The following TACC3 variants were observed in gnomAD, a reference collection of about 807,000 sequenced individuals.
TACC3 encodes the protein transforming acidic coiled-coil containing protein 3.
A neutral mutation model predicts 86.0 loss-of-function variants in TACC3; 52 were observed. That is an observed-to-expected ratio of 0.60 (90% confidence interval 0.48 to 0.76). The LOEUF is 0.76. Ranked by LOEUF, TACC3 falls within the 30% of genes least tolerant of loss-of-function variation. TACC3 has a pLI of 0.00. For missense variants in TACC3, 1,120 were observed against 1,070.4 expected, an observed-to-expected ratio of 1.05 and a Z score of -0.65; for synonymous variants, 512 against 430.0, an observed-to-expected ratio of 1.19 and a Z score of -2.36.
In TACC3 at chr4:1,728,046, A is replaced by G. The variant is rs1424386218; in HGVS notation, c.644A>G (p.Glu215Gly). ...PCRTESQHKA[E>G]TPHGAEEECK... ...AGGACAGAGTCCCAGCACAAAGCGG[A>G]GACTCCGCACGGAGCCGAGGAAGAA... Residue 215 changes from glutamate to glycine, a missense_variant, in exon 4 of 16, where the codon GAG (glutamate) becomes GGG (glycine). Transcript: ENST00000313288. 1 of 1,542,532 alleles carries G rather than the reference A, an allele frequency of 6.5e-7. No individual in the cohort carries two copies. The highest frequency in any genetic ancestry group is 8.8e-7 in the Non-Finnish European group (1 of 1,141,596).
intron 9 of TACC3, 107 bp from the exon 10 acceptor site, chr4:1,737,491 G>A (rs1204120552): frequency 7.1e-6 from 8 of 1,125,496 alleles, no homozygotes; most frequent in Non-Finnish European, 1.0e-5. Context: ...GGTCCCTCAT[G>A]CACTGTCTGA....
At chr4:1,722,608 T>C (rs1391695603) in intron 1 of TACC3, among the ~76,000 whole-genome samples, 1 of 152,188 alleles carries the variant, frequency 6.6e-6, no homozygotes, top group East Asian at 1.9e-4. Context: ...CTTCTTCAAA[T>C]CAAAGCCTCC....
chr4:1,734,405 C>T (rs1718152969), intron 6 of TACC3, among the ~76,000 whole-genome samples: 1 of 152,160 alleles, frequency 6.6e-6, no homozygotes, highest in African/African-American at 2.4e-5. Context: ...CCAGGCTGGC[C>T]TCAAACTCCT....
intron 1 of TACC3, 85 bp downstream of exon 1, chr4:1,721,728 C>T (rs1717377744): frequency 6.6e-6 from 1 of 151,522 alleles, no homozygotes. Flanking sequence ...CGGCCCTCGC[C>T]CTCCCGCCCC....
At chr4:1,730,783 G>C in intron 4 of TACC3, 104 bp from the exon 5 acceptor site, 1 of 1,283,266 alleles carries the variant, frequency 7.8e-7, no homozygotes, top group Middle Eastern at 1.9e-4. Context: ...TCACGTGGCC[G>C]GCACAGCAGT....
intron 12 of TACC3, chr4:1,740,449 AGCCG>A: frequency 3.3e-6 from 1 of 302,872 alleles, no homozygotes. Flanking sequence ...GCTGAGTGTC[AGCCG>A]GCGGCAGGTG....
Position 1,744,521 on chromosome 4 carries a change from G to A in TACC3, c.2227G>A (p.Glu743Lys), listed in dbSNP as rs770736799. 12 of 1,612,750 alleles carry A rather than the reference G, an allele frequency of 7.4e-6. No homozygotes were observed. Among genetic ancestry groups the A allele is most frequent in the East Asian group, 4.5e-5 (2 of 44,882 alleles). ...KEVIEGYRKN[E>K]ESLKKCVEDY... Reference sequence around the variant, plus strand: ...GCTAATGCCTGCCCCTTCCTAGAACGAAGAGTCACTGAAGAAGTGCGTGGA... The same window carrying A: ...GCTAATGCCTGCCCCTTCCTAGAACAAAGAGTCACTGAAGAAGTGCGTGGA... Residue 743 changes from glutamate (E) to lysine (K), a missense_variant, in exon 14 of 16, where the codon GAA (glutamate) becomes AAA (lysine). Physicochemically the swap from Glu to Lys is moderately conservative, Grantham distance 56 (BLOSUM62 1). Transcript: ENST00000313288.
intron 1 of TACC3, chr4:1,723,212 C>G: frequency 1.7e-6 from 1 of 598,380 alleles, no homozygotes. Context: ...CTCCCCCTGC[C>G]AGGCTGGAGA....
chr4:1,739,169 G>A (rs1001284562), intron 10 of TACC3, among the ~76,000 whole-genome samples: 6 of 152,120 alleles, frequency 3.9e-5, no homozygotes, highest in South Asian at 2.1e-4. Context: ...TTAGCCGGGC[G>A]TGGTGGTGGG....
intron 2 of TACC3, 35 bp downstream of exon 2, chr4:1,723,618 G>T (rs746597739): frequency 2.5e-6 from 4 of 1,608,884 alleles, no homozygotes; most frequent in African/African-American, 1.3e-5. Context: ...GGCTGGCCAG[G>T]TTGCCCTAGG....
chr4:1,723,887 C>T lies in TACC3; in HGVS notation c.305+17C>T. The T allele has an allele frequency of 1.2e-6, 2 of 1,611,682 alleles. No individual in the cohort carries two copies. Among genetic ancestry groups the T allele is most frequent in the Non-Finnish European group, 1.7e-6 (2 of 1,179,106 alleles). On this transcript the variant is annotated intron_variant, in intron 3 of 15. Transcript: ENST00000313288. The stretch of plus-strand genomic sequence containing the variant: ...GAAAGAGAAGTAAGTGTTGGTGCTG[C>T]TGGACATGCTGGAGCTTCACCCTCT...
intron 3 of TACC3, 55 bp from the exon 4 acceptor site, chr4:1,727,653 C>T (rs1717754807): frequency 1.3e-6 from 2 of 1,532,768 alleles, no homozygotes; most frequent in South Asian, 1.3e-5. Flanking sequence ...AATGCTGAGG[C>T]CCCTAACCTC....
At chr4:1,739,880 G>A in intron 11 of TACC3, 79 bp from the exon 12 acceptor site, 1 of 1,570,318 alleles carries the variant, frequency 6.4e-7, no homozygotes, top group Non-Finnish European at 8.6e-7. Flanking sequence ...CGCCATCCCT[G>A]TCCCCGTCCC....
intron 1 of TACC3, chr4:1,723,164 T>C (rs1038990935): frequency 1.9e-6 from 1 of 518,514 alleles, no homozygotes; most frequent in Non-Finnish European, 3.5e-6. Flanking sequence ...GAAGGCCCTT[T>C]AGCTCTTGGT....
At chr4:1,722,482 C>T (rs972400300) in intron 1 of TACC3, among the ~76,000 whole-genome samples, 1 of 152,200 alleles carries the variant, frequency 6.6e-6, no homozygotes, top group African/African-American at 2.4e-5. Flanking sequence ...CCCTGCTTCC[C>T]TTCTGCTCTT....
In TACC3 at chr4:1,728,727, C is replaced by T; in HGVS notation, c.1325C>T (p.Pro442Leu). ...PESPETRLGQ[P>L]AAEQLHAGPA... ...AGCCCTGAGACCAGGCTGGGCCAGC[C>T]AGCGGCTGAACAGTTGCATGCTGGG... The change falls in exon 4 of 16, where the codon CCA becomes CTA. Residue 442 changes from proline to leucine, a missense_variant. Pro to Leu is a moderately conservative substitution (Grantham distance 98). Coordinates refer to ENST00000313288, the MANE Select transcript of TACC3 (RefSeq NM_006342.3). 1 of 1,613,230 alleles carries T rather than the reference C, an allele frequency of 6.2e-7. No individual in the cohort carries two copies. Among genetic ancestry groups the T allele is most frequent in the Non-Finnish European group, 8.5e-7 (1 of 1,179,948 alleles).
Position 1,727,995 on chromosome 4 carries a change from C to T in TACC3, c.593C>T (p.Ala198Val). 1 of 1,613,378 alleles carries T rather than the reference C, an allele frequency of 6.2e-7. No individual in the cohort carries two copies. Among genetic ancestry groups the T allele is most frequent in the Non-Finnish European group, 8.5e-7 (1 of 1,180,042 alleles). The change falls in exon 4 of 16, where the codon GCC (alanine) becomes GTC (valine). Residue 198 changes from alanine to valine, a missense_variant. By Grantham distance (64) the Ala-to-Val change is moderately conservative (BLOSUM62 0). Transcript: ENST00000313288. Reference sequence around the variant, plus strand: ...TCCTTAGACAGAAGAGTGACACCCGCCTCTGAGACCCTAGAAGACCCTTGC... The same window carrying T: ...TCCTTAGACAGAAGAGTGACACCCGTCTCTGAGACCCTAGAAGACCCTTGC... ...SYSLDRRVTP[A>V]SETLEDPCRT...
chr4:1,720,962 G>A (rs1410470871), upstream of TACC3: 1 of 547,260 alleles, frequency 1.8e-6, no homozygotes, highest in African/African-American at 2.0e-5. This position sits in a 1 kb window ranked among gnomAD's most constrained non-coding sequence, Gnocchi z 4.4. Context: ...GGCACTCTAG[G>A]ACATGGAGTC....
At chr4:1,721,322 A>AC (rs1717332559), upstream of TACC3, 1 of 125,478 alleles carries the variant, frequency 8.0e-6, no homozygotes, top group Non-Finnish European at 1.6e-5. Flanking sequence ...TCAGCTTCAG[A>AC]CACCCTGGCG....
Sources: gnomAD v4.1 joint callset for allele counts (sites outside exome capture counted in the v4.1 genomes callset) on GRCh38, gnomAD v4.1.1 for gene constraint, Gnocchi (gnomAD v3.1) non-coding constraint, MANE v1.5 for transcripts, NCBI Gene and HGNC (gene_info 2026-07-23, HGNC 2026-07-21) for gene names.